The following ADARB2 variants were observed in gnomAD, a reference collection of about 807,000 sequenced individuals.
ADARB2 encodes the protein inactive double-stranded RNA-specific editase B2.
In ADARB2, 25 loss-of-function variants were observed where a neutral mutation model predicts 62.2. The ratio of observed to expected loss-of-function variants is 0.40; its 90% confidence interval spans 0.29 to 0.56. The LOEUF (loss-of-function observed/expected upper bound fraction) is 0.56, where lower values mean the gene tolerates loss of function less well. Among genes scored for constraint, ADARB2 ranks in the 20% least tolerant of loss-of-function variants. ADARB2 has a pLI of 0.43. For missense variants in ADARB2, 1,071 were observed against 1,077.4 expected (o/e 0.99, Z 0.08); for synonymous variants, 572 against 500.8 (o/e 1.14, Z -1.90).
rs550262575 is a variant in ADARB2, at chr10:1,706,469, G to A, written c.100+30582C>T. Among the ~76,000 whole-genome samples the A allele has an allele frequency of 3.6e-3, 552 of 152,310 alleles. 4 individuals carry two copies. Among genetic ancestry groups the A allele is most frequent in the Non-Finnish European group, 7.0e-3 (476 of 68,028 alleles). On this transcript the variant is annotated intron_variant, in intron 1 of 9. Transcript: ENST00000381312. Reference sequence around the variant, plus strand: ...CCAGAAGCCAGAAGGCCAGCCACAGGTATTTACATATTCAGGCAACACATT... The same window carrying A: ...CCAGAAGCCAGAAGGCCAGCCACAGATATTTACATATTCAGGCAACACATT...
chr10:1,560,251 C>T (rs569432111), intron 1 of ADARB2, among the ~76,000 whole-genome samples: 1 of 152,326 alleles, frequency 6.6e-6, no homozygotes, highest in Non-Finnish European at 1.5e-5. Flanking sequence ...TCTACTTTCT[C>T]CCTTGTTCCT....
intron 1 of ADARB2, among the ~76,000 whole-genome samples, chr10:1,632,943 G>C (rs1833861075): frequency 6.6e-6 from 1 of 152,192 alleles, no homozygotes; most frequent in South Asian, 2.1e-4. Context: ...AAGAAGCTCT[G>C]CCCTTGTCCA....
At chr10:1,476,199 G>C (rs1440665595) in intron 1 of ADARB2, among the ~76,000 whole-genome samples, 1 of 152,208 alleles carries the variant, frequency 6.6e-6, no homozygotes, top group East Asian at 1.9e-4. Flanking sequence ...GAGAGGCAGA[G>C]AGAGAAAGGG....
intron 1 of ADARB2, chr10:1,395,023 G>C (rs948110683): frequency 2.2e-6 from 1 of 453,036 alleles, no homozygotes; most frequent in South Asian, 1.6e-5. Context: ...GGGCTCAGTT[G>C]ATCCTGCCTC....
chr10:1,694,885 G>A (rs1834719521), intron 1 of ADARB2, among the ~76,000 whole-genome samples: 1 of 152,056 alleles, frequency 6.6e-6, no homozygotes, highest in African/African-American at 2.4e-5. Flanking sequence ...GGAAGCAGAG[G>A]GGGCACCTGA....
intron 1 of ADARB2, among the ~76,000 whole-genome samples, chr10:1,685,585 T>C (rs2119120841): frequency 6.6e-6 from 1 of 152,244 alleles, no homozygotes; most frequent in East Asian, 1.9e-4. Flanking sequence ...AAATGGAATG[T>C]AAGAAATAAC....
chr10:1,418,436 G>A (rs1213984037), intron 1 of ADARB2, among the ~76,000 whole-genome samples: 1 of 152,192 alleles, frequency 6.6e-6, no homozygotes, highest in African/African-American at 2.4e-5. Flanking sequence ...GAGCCTTGTT[G>A]TATGTGGGTT....
At chr10:1,412,437 G>A (rs916310957) in intron 1 of ADARB2, among the ~76,000 whole-genome samples, 4 of 151,928 alleles carry the variant, frequency 2.6e-5, no homozygotes, top group African/African-American at 9.7e-5. Context: ...CTTTAGCTAT[G>A]TGAGGTTGTG....
intron 1 of ADARB2, among the ~76,000 whole-genome samples, chr10:1,733,530 C>T (rs558595819): frequency 6.6e-6 from 1 of 152,054 alleles, no homozygotes; most frequent in African/African-American, 2.4e-5. Flanking sequence ...TGAAGTTATT[C>T]CAGGGTTCAG....
intron 5 of ADARB2, 116 bp from the exon 6 acceptor site, chr10:1,233,961 T>A (rs1245354670): frequency 1.3e-5 from 13 of 1,026,788 alleles, no homozygotes; most frequent in Non-Finnish European, 1.6e-5. Flanking sequence ...TCCTTTATAT[T>A]TTTCCTTTTT....
chr10:1,645,839 TC>T (rs1834033997), intron 1 of ADARB2, among the ~76,000 whole-genome samples: 1 of 152,200 alleles, frequency 6.6e-6, no homozygotes, highest in Admixed American at 6.5e-5. Flanking sequence ...GCTCAAGACA[TC>T]CCTTTTTCAT....
In ADARB2 at chr10:1,181,354, A is replaced by T. The variant is rs1328400666; in HGVS notation, c.*1839T>A. On this transcript the variant is annotated 3_prime_UTR_variant, in exon 10 of 10. Transcript: ENST00000381312. Reference sequence around the variant, plus strand: ...CGTTTGAGCTTAGCTTTTGCACTGAATTAAGATTTCATTTATTTTTGTGAT... The same window carrying T: ...CGTTTGAGCTTAGCTTTTGCACTGATTTAAGATTTCATTTATTTTTGTGAT... 6.6e-6 allele frequency: 1 copy of T among 152,244 alleles called. No individual in the cohort carries two copies. The highest frequency in any genetic ancestry group is 1.5e-5 in the Non-Finnish European group (1 of 68,034). 9.4% of individuals were successfully genotyped at this position (152,244 alleles called of 1,614,324 possible).
At chr10:1,274,952 G>A (rs920701827) in intron 3 of ADARB2, among the ~76,000 whole-genome samples, 5 of 152,210 alleles carry the variant, frequency 3.3e-5, no homozygotes, top group African/African-American at 1.2e-4. Context: ...GGGTGAAGGC[G>A]GCTGGCACCC....
intron 1 of ADARB2, among the ~76,000 whole-genome samples, chr10:1,651,772 A>T (rs562916773): frequency 6.6e-6 from 1 of 151,842 alleles, no homozygotes; most frequent in East Asian, 2.0e-4. Flanking sequence ...CTGCCTGCTT[A>T]TGGGTGCTGC....
At chr10:1,707,301 G>A (rs1047522869) in intron 1 of ADARB2, among the ~76,000 whole-genome samples, 3 of 152,228 alleles carry the variant, frequency 2.0e-5, no homozygotes, top group Non-Finnish European at 2.9e-5. Flanking sequence ...GGAAGACTCC[G>A]AAGGAGGAAT....
chr10:1,429,702 C>A (rs1830760226), intron 1 of ADARB2, among the ~76,000 whole-genome samples: 1 of 152,186 alleles, frequency 6.6e-6, no homozygotes, highest in Non-Finnish European at 1.5e-5. Flanking sequence ...TCCTGCTGGG[C>A]TGGTCTGCAC....
At chr10:1,222,280 ATTTG>A (rs1830702158) in intron 6 of ADARB2, among the ~76,000 whole-genome samples, 6 of 151,974 alleles carry the variant, frequency 3.9e-5, no homozygotes, top group Admixed American at 2.6e-4. Flanking sequence ...TTTCTTGTAA[ATTTG>A]TTTGAGTTCA....
At chr10:1,649,671 T>C (rs1376376759) in intron 1 of ADARB2, among the ~76,000 whole-genome samples, 1 of 152,238 alleles carries the variant, frequency 6.6e-6, no homozygotes, top group East Asian at 1.9e-4. Flanking sequence ...CTCCAGTCGG[T>C]GGGATATGCC....
chr10:1,486,090 C>T lies in ADARB2; in HGVS notation c.101-106930G>A, dbSNP rs566837228. Among the ~76,000 whole-genome samples, 7 of 152,232 alleles carry T rather than the reference C, an allele frequency of 4.6e-5. No individual in the cohort carries two copies. The East Asian group carries it at 9.6e-4, about 21-fold the overall frequency. On this transcript the variant is annotated intron_variant, in intron 1 of 9. Coordinates refer to ENST00000381312, the MANE Select transcript of ADARB2 (RefSeq NM_018702.4). ...TGCACAGTTCCTAGAGGTGCCACAT[C>T]GGCTACTCATTCATCTTTGAGTTTT... is the stretch of plus-strand genomic sequence containing the variant.
Sources: allele counts gnomAD v4.1 joint callset (sites outside exome capture counted in the v4.1 genomes callset), GRCh38; gene constraint gnomAD v4.1.1; transcripts MANE v1.5; gene names NCBI Gene and HGNC (gene_info 2026-07-23, HGNC 2026-07-21).